Variants in NEK1 observed in about 807,000 individuals in gnomAD.
The protein encoded by NEK1 is NIMA related kinase 1.
A neutral mutation model predicts 182.1 loss-of-function variants in NEK1; 137 were observed. The observed-to-expected ratio is 0.75, with a 90% CI of 0.65 to 0.87. NEK1 has a LOEUF of 0.87. Ranked by LOEUF, NEK1 falls within the 40% of genes least tolerant of loss-of-function variation. NEK1 has a pLI of 0.00. For missense variants in NEK1, 1,391 were observed against 1,494.4 expected, an observed-to-expected ratio of 0.93 and a Z score of 1.14; for synonymous variants, 513 against 492.2, an observed-to-expected ratio of 1.04 and a Z score of -0.56.
intron 26 of NEK1, among the ~76,000 whole-genome samples, chr4:169,471,876 G>T (rs967045763): frequency 6.6e-6 from 1 of 152,130 alleles, no homozygotes; most frequent in African/African-American, 2.4e-5. Context: ...CAGCGGCTTT[G>T]CCATGCTGTG....
rs749816417 is a variant in NEK1 at position 169,512,200 on chromosome 4, T to A, written c.1666-3348A>T. ...GTTTAAAAAGGAACTGTGAAACTATTTTGCACAATGGCTGTATCATTTTAC... is the reference window on the plus strand; with the variant it reads ...GTTTAAAAAGGAACTGTGAAACTATATTGCACAATGGCTGTATCATTTTAC... On this transcript the variant is annotated intron_variant, in intron 19 of 35. Transcript: ENST00000507142. 3.9e-4 allele frequency among the ~76,000 whole-genome samples: 59 copies of A among 152,286 alleles called. 1 individual carries two copies. The South Asian group carries it at 3.9e-3, about 10-fold the overall frequency.
intron 19 of NEK1, among the ~76,000 whole-genome samples, chr4:169,528,066 T>C (rs1289957341): frequency 6.6e-6 from 1 of 152,030 alleles, no homozygotes; most frequent in Non-Finnish European, 1.5e-5. Context: ...AACCAAAAAA[T>C]TACCAAGGAT....
At chr4:169,544,361 C>CA (rs1185475595) in intron 18 of NEK1, among the ~76,000 whole-genome samples, 1 of 152,098 alleles carries the variant, frequency 6.6e-6, no homozygotes, top group African/African-American at 2.4e-5. Flanking sequence ...CTGCTGGACT[C>CA]AGTTTGCCAG....
intron 18 of NEK1, among the ~76,000 whole-genome samples, chr4:169,549,743 G>A (rs1264309211): frequency 2.0e-5 from 3 of 151,114 alleles, no homozygotes; most frequent in African/African-American, 7.3e-5. Flanking sequence ...TGTTTAAGAC[G>A]GAGTCTCACT....
rs770767730 is a variant in NEK1, at chr4:169,406,666, G to A, written c.3304C>T (p.Gln1102Ter). ...ATTTCATCTATTTCAAGATTGTCTTGACGAACATCTCCTACGGTGGGAACA... is the reference window on the plus strand; with the variant it reads ...ATTTCATCTATTTCAAGATTGTCTTAACGAACATCTCCTACGGTGGGAACA... ...MDVPTVGDVR[Q>*]DNLEIDEIED... The change falls in exon 32 of 36, where the codon CAA (glutamine) becomes TAA (stop). Residue 1102 changes from glutamine (Q) to a stop codon, truncating the protein, a stop_gained. Transcript: ENST00000507142. LOFTEE classifies it high-confidence loss of function. The A allele has an allele frequency of 1.2e-6, 2 of 1,608,612 alleles. No individual in the cohort carries two copies. Among genetic ancestry groups the A allele is most frequent in the Non-Finnish European group, 1.7e-6 (2 of 1,177,134 alleles).
intron 23 of NEK1, among the ~76,000 whole-genome samples, chr4:169,494,608 T>C (rs893463259): frequency 1.3e-5 from 2 of 152,246 alleles, no homozygotes; most frequent in African/African-American, 4.8e-5. Context: ...TCTGGGTACA[T>C]ACCCAGTAAT....
At chr4:169,505,438 C>T (rs1753086807) in intron 23 of NEK1, among the ~76,000 whole-genome samples, 1 of 152,176 alleles carries the variant, frequency 6.6e-6, no homozygotes, top group South Asian at 2.1e-4. Flanking sequence ...TTCTTAATAA[C>T]ATTTTTCCTT....
At chr4:169,403,312 A>T (rs1001617229) in intron 32 of NEK1, among the ~76,000 whole-genome samples, 1 of 145,762 alleles carries the variant, frequency 6.9e-6, no homozygotes, top group Non-Finnish European at 1.6e-5. Flanking sequence ...TCATGCCTGT[A>T]ATCCTAGCCC....
chr4:169,421,412 G>C (rs1735472906), intron 31 of NEK1, among the ~76,000 whole-genome samples: 2 of 152,108 alleles, frequency 1.3e-5, no homozygotes, highest in African/African-American at 2.4e-5. Context: ...TATACAAGTT[G>C]ATATGGTTTG....
At chr4:169,539,040 C>T (rs973420556) in intron 18 of NEK1, among the ~76,000 whole-genome samples, 2 of 152,090 alleles carry the variant, frequency 1.3e-5, no homozygotes, top group Admixed American at 1.3e-4. Context: ...AAGATTCTTA[C>T]GAAATTTCCA....
intron 23 of NEK1, among the ~76,000 whole-genome samples, chr4:169,493,193 C>T (rs1232826946): frequency 1.3e-5 from 2 of 152,140 alleles, no homozygotes; most frequent in Admixed American, 6.6e-5. Flanking sequence ...ACCAAAAAAC[C>T]CATATGGAGC....
intron 18 of NEK1, 27 bp from the exon 19 acceptor site, chr4:169,537,938 C>A: frequency 1.4e-6 from 2 of 1,452,346 alleles, no homozygotes; most frequent in Non-Finnish European, 1.9e-6. Context: ...ACAAAGTCAG[C>A]CATCCTGAAC....
intron 11 of NEK1, among the ~76,000 whole-genome samples, chr4:169,579,742 T>C (rs530064871): frequency 7.2e-4 from 108 of 150,990 alleles, no homozygotes; most frequent in African/African-American, 2.5e-3. Context: ...TGAGCTGAGA[T>C]TGCACCACTA....
Position 169,438,130 on chromosome 4 carries a change from C to T in NEK1, c.2717G>A (p.Ser906Asn). Residue 906 changes from serine (S) to asparagine (N), a missense_variant, in exon 28 of 36, where the codon AGT becomes AAT. Physicochemically the swap from Ser to Asn is conservative, Grantham distance 46. Transcript: ENST00000507142. ...SPVETKSPEFSEASPQMSLKL... is the reference protein window; with the variant it reads ...SPVETKSPEFNEASPQMSLKL... ...CAATGACATCTGTGGAGATGCCTCACTGAACTCGGGACTTTTTGTCTCAAC... is the reference window on the plus strand; with the variant it reads ...CAATGACATCTGTGGAGATGCCTCATTGAACTCGGGACTTTTTGTCTCAAC... The T allele has an allele frequency of 1.2e-6, 2 of 1,612,218 alleles. No homozygotes were observed.
chr4:169,535,271 G>A (rs534378790), intron 19 of NEK1, among the ~76,000 whole-genome samples: 193 of 152,118 alleles, frequency 1.3e-3, no homozygotes, highest in African/African-American at 4.0e-3. Flanking sequence ...TGCAGCAAGC[G>A]GAGATCATGT....
chr4:169,545,348 A>G (rs912049608), intron 18 of NEK1, among the ~76,000 whole-genome samples: 29 of 151,158 alleles, frequency 1.9e-4, no homozygotes, highest in East Asian at 1.2e-3. Flanking sequence ...ATGATTTCCA[A>G]TTTCATCCAT....
intron 30 of NEK1, 141 bp from the exon 31 acceptor site, chr4:169,424,941 G>C (rs1561164012): frequency 1.6e-5 from 11 of 689,562 alleles, no homozygotes; most frequent in Non-Finnish European, 2.1e-5. Flanking sequence ...ATGTGTGTCA[G>C]TATATTACCT....
At chr4:169,421,705 C>A (rs1193639177) in intron 31 of NEK1, among the ~76,000 whole-genome samples, 1 of 152,168 alleles carries the variant, frequency 6.6e-6, no homozygotes, top group African/African-American at 2.4e-5. Context: ...CCTCCCCAGC[C>A]ATGCGGAACT....
At chr4:169,483,923 C>T (rs1485022116) in intron 23 of NEK1, among the ~76,000 whole-genome samples, 1 of 151,164 alleles carries the variant, frequency 6.6e-6, no homozygotes, top group Non-Finnish European at 1.5e-5. Flanking sequence ...TAGAGCTCAC[C>T]TAACAGTATT....
Sources: allele counts gnomAD v4.1 joint callset (sites outside exome capture counted in the v4.1 genomes callset), GRCh38; gene constraint gnomAD v4.1.1; transcripts MANE v1.5; gene names NCBI Gene and HGNC (gene_info 2026-07-23, HGNC 2026-07-21).